The following STAM variants were observed in gnomAD, a reference collection of about 807,000 sequenced individuals.
STAM encodes the protein signal transducing adaptor molecule, also known as signal transducing adapter molecule 1.
A neutral mutation model predicts 63.4 loss-of-function variants in STAM; 16 were observed. That is an observed-to-expected ratio of 0.25 (90% CI 0.17 to 0.38). The LOEUF (loss-of-function observed/expected upper bound fraction) is 0.38. Ranked by LOEUF, STAM falls within the 10% of genes least tolerant of loss-of-function variation. The pLI is 1.00. For missense variants in STAM, 636 were observed against 657.1 expected (o/e 0.97, Z 0.35); for synonymous variants, 238 against 223.9 (o/e 1.06, Z -0.56).
chr10:17,714,110 CTTTGCTTAAGTA>C (rs1289580983), intron 13 of STAM, among the ~76,000 whole-genome samples: 11 of 152,314 alleles, frequency 7.2e-5, no homozygotes, highest in Non-Finnish European at 1.5e-4. Flanking sequence ...TTTTCCACAT[CTTTGCTTAAGTA>C]TTGCCTTATT....
rs1017713553 is a variant in STAM at position 17,677,283 on chromosome 10, T to C, written c.126-7392T>C. On this transcript the variant is annotated intron_variant, in intron 2 of 13. Transcript: ENST00000377524. ...ACCATCCTTTCCAAAAGTCACAGTT[T>C]AGGTTTCCTACCTTAAAAAAAAGTG... 4.6e-5 allele frequency among the ~76,000 whole-genome samples: 7 copies of C among 152,320 alleles called. No homozygotes were observed. The East Asian group carries it at 1.3e-3, about 29-fold the overall frequency.
chr10:17,704,699 C>T (rs1459887792), intron 10 of STAM, among the ~76,000 whole-genome samples, 181 bp downstream of exon 10: 1 of 152,120 alleles, frequency 6.6e-6, no homozygotes, highest in Non-Finnish European at 1.5e-5. Context: ...TTATAATTTT[C>T]TATCCAAACG....
At chr10:17,710,683 A>C (rs1343458137) in intron 13 of STAM, among the ~76,000 whole-genome samples, 2 of 152,148 alleles carry the variant, frequency 1.3e-5, no homozygotes, top group African/African-American at 2.4e-5. Flanking sequence ...CACTGAAGAC[A>C]GTATCTTGAG....
intron 2 of STAM, among the ~76,000 whole-genome samples, chr10:17,673,878 G>A (rs1359228205): frequency 1.3e-5 from 2 of 152,182 alleles, no homozygotes; most frequent in Non-Finnish European, 2.9e-5. Context: ...TTTGCAGGAG[G>A]AATACCTAAC....
chr10:17,673,600 T>A (rs1834727446), intron 2 of STAM, among the ~76,000 whole-genome samples: 1 of 152,208 alleles, frequency 6.6e-6, no homozygotes, highest in African/African-American at 2.4e-5. Context: ...ATGCCAAGGA[T>A]GAGCTGTGTA....
At chr10:17,693,429 C>T (rs1835628167) in intron 6 of STAM, 117 bp downstream of exon 6, 1 of 754,578 alleles carries the variant, frequency 1.3e-6, no homozygotes. Context: ...GCTTTGTTGC[C>T]CTCCTCAGTA....
chr10:17,660,505 C>A lies in STAM; in HGVS notation c.82C>A (p.Leu28Ile), dbSNP rs1191549376. Residue 28 changes from leucine to isoleucine, a missense_variant, in exon 2 of 14, where the codon CTC (leucine) becomes ATC (isoleucine). Leu to Ile is a conservative substitution (Grantham distance 5, BLOSUM62 2). This residue lies in a region of STAM where 87 missense variants were observed against 80.3 expected (regional missense o/e 1.08). Coordinates refer to ENST00000377524, the MANE Select transcript of STAM (RefSeq NM_003473.4). ...GATGAATACTGCTGAGGACTGGGGC[C>A]TCATTTTGGATATCTGTGATAAAGT... ...SEMNTAEDWGLILDICDKVGQ... is the reference protein window; with the variant it reads ...SEMNTAEDWGIILDICDKVGQ... 8 of 1,605,992 alleles carry A rather than the reference C, an allele frequency of 5.0e-6. No individual in the cohort carries two copies. In the African/African-American group the frequency reaches 6.7e-5, roughly 14 times the overall value.
intron 6 of STAM, chr10:17,694,826 A>G: frequency 2.5e-6 from 1 of 403,776 alleles, no homozygotes; most frequent in Non-Finnish European, 4.4e-6. Context: ...TAAAAATAGG[A>G]GTTTTCATGC....
At chr10:17,705,517 A>T in intron 11 of STAM, 71 bp from the exon 12 acceptor site, 1 of 1,495,416 alleles carries the variant, frequency 6.7e-7, no homozygotes, top group Admixed American at 2.2e-5. Flanking sequence ...TGATATTTTG[A>T]TGTATCATTA....
At chr10:17,690,360 C>T (rs782259263) in intron 5 of STAM, among the ~76,000 whole-genome samples, 1 of 151,996 alleles carries the variant, frequency 6.6e-6, no homozygotes, top group Admixed American at 6.5e-5. Context: ...CATAGAAGAG[C>T]AATAGTAAAG....
rs782339336 is a variant in STAM at position 17,708,901 on chromosome 10, A to G, written c.1335A>G (p.Pro445=). 16 of 1,614,074 alleles carry G rather than the reference A, an allele frequency of 9.9e-6. No individual in the cohort carries two copies. Among genetic ancestry groups the G allele is most frequent in the Non-Finnish European group, 1.4e-5 (16 of 1,180,030 alleles). ...CTCTCAGCCAGGCAGTGGTCCCACC[A>G]TCCGCAAACCCAGCCCTTCCTAGTC... The part of the protein sequence containing the change: ...LSSLSQAVVP[P]SANPALPSQQ... Residue 445 remains proline, a synonymous_variant, in exon 13 of 14, where the codon CCA becomes CCG. Transcript: ENST00000377524.
chr10:17,714,507 G>A (rs1554830461), intron 13 of STAM, 36 bp from the exon 14 acceptor site: 2 of 1,569,000 alleles, frequency 1.3e-6, no homozygotes, highest in South Asian at 1.1e-5. Flanking sequence ...CTATAAATCA[G>A]TATTGATGTA....
At chr10:17,705,147 C>T (rs1407410431) in intron 11 of STAM, 123 bp downstream of exon 11, 4 of 755,196 alleles carry the variant, frequency 5.3e-6, no homozygotes, top group South Asian at 3.8e-5. Context: ...CTCTCATTCA[C>T]ATATCTTGTG....
chr10:17,647,866 T>TG (rs782441926), intron 1 of STAM, among the ~76,000 whole-genome samples: 9 of 152,218 alleles, frequency 5.9e-5, no homozygotes, highest in Non-Finnish European at 1.0e-4. Context: ...CTCAGCCTCT[T>TG]GCCTGAGCTC....
intron 2 of STAM, among the ~76,000 whole-genome samples, chr10:17,674,272 C>T (rs1554824394): frequency 6.6e-6 from 1 of 152,210 alleles, no homozygotes; most frequent in African/African-American, 2.4e-5. Flanking sequence ...TTATCTCTTA[C>T]TACACAACTC....
intron 2 of STAM, among the ~76,000 whole-genome samples, chr10:17,678,101 C>T (rs1589060960): frequency 1.3e-5 from 2 of 152,290 alleles, no homozygotes; most frequent in African/African-American, 2.4e-5. Flanking sequence ...AAAAAGAAAG[C>T]TGTACTCATT....
intron 2 of STAM, 128 bp from the exon 3 acceptor site, chr10:17,684,547 A>AT: frequency 1.6e-6 from 1 of 625,994 alleles, no homozygotes; most frequent in Admixed American, 3.6e-5. Context: ...CGTGTTATTA[A>AT]TAAAAATTAA....
In STAM at chr10:17,715,334, CGT is replaced by C. The variant is rs782096334; in HGVS notation, c.*559_*560del. ...TTTACATGAAGGCGCATTATGTTGT[CGT>C]GTGTTTCAGTTTCACATTAAACTGA... On this transcript the variant is annotated 3_prime_UTR_variant, in exon 14 of 14. Transcript: ENST00000377524. 1 of 160,568 alleles carries C rather than the reference CGT, an allele frequency of 6.2e-6. No homozygotes were observed. The highest frequency in any genetic ancestry group is 1.4e-5 in the Non-Finnish European group (1 of 72,478). The allele number at this position is 160,568 out of a possible 1,614,324, so 9.9% of individuals were successfully genotyped here. A position where few individuals can be genotyped will look rare whatever the true frequency, so the allele number is the denominator to read the frequency against.
chr10:17,668,108 A>G (rs530912745), intron 2 of STAM, among the ~76,000 whole-genome samples: 2 of 152,348 alleles, frequency 1.3e-5, no homozygotes, highest in Admixed American at 6.5e-5. Context: ...AGCATCACTT[A>G]CACTGTTATT....
Sources: allele counts gnomAD v4.1 joint callset (sites outside exome capture counted in the v4.1 genomes callset), GRCh38; gene constraint gnomAD v4.1.1; regional missense constraint gnomAD v4.1.1; transcripts MANE v1.5; gene names NCBI Gene and HGNC (gene_info 2026-07-23, HGNC 2026-07-21).